The following PKN2 variants were observed in gnomAD, a reference collection of about 807,000 sequenced individuals.
The protein encoded by PKN2 is protein kinase N2.
PKN2 carries 38 observed loss-of-function variants against 119.1 expected under a neutral mutation model. That is an observed-to-expected ratio of 0.32 (90% CI 0.25 to 0.42). The LOEUF is 0.42. Among genes scored for constraint, PKN2 ranks in the 10% least tolerant of loss-of-function variants. The pLI is 1.00. For missense variants in PKN2, 850 were observed against 1,165.1 expected (o/e 0.73, Z 3.94); for synonymous variants, 390 against 384.9 (o/e 1.01, Z -0.15).
chr1:88,767,602 A>G (rs1016459218), intron 3 of PKN2, among the ~76,000 whole-genome samples: 1 of 152,174 alleles, frequency 6.6e-6, no homozygotes, highest in Non-Finnish European at 1.5e-5. Flanking sequence ...ATTGTAACAC[A>G]ATGGTAAGTA....
At chr1:88,704,340 TGA>T (rs2100671491) in intron 1 of PKN2, among the ~76,000 whole-genome samples, 1 of 152,308 alleles carries the variant, frequency 6.6e-6, no homozygotes, top group East Asian at 1.9e-4. Context: ...TTTTTGTTGT[TGA>T]GTAGTATTTC....
chr1:88,797,238 G>A (rs1258627955), intron 8 of PKN2, among the ~76,000 whole-genome samples: 1 of 151,982 alleles, frequency 6.6e-6, no homozygotes, highest in Non-Finnish European at 1.5e-5. Context: ...GGAGGCTGAG[G>A]CAGGAGAATC....
chr1:88,793,639 G>A (rs1670937375), intron 8 of PKN2, among the ~76,000 whole-genome samples: 1 of 151,956 alleles, frequency 6.6e-6, no homozygotes, highest in South Asian at 2.1e-4. Flanking sequence ...GGTATCCATG[G>A]GGAACGATTT....
chr1:88,773,277 G>T (rs1669965981), intron 6 of PKN2, among the ~76,000 whole-genome samples: 1 of 150,532 alleles, frequency 6.6e-6, no homozygotes, highest in Admixed American at 6.6e-5. Context: ...TCTCATTGCA[G>T]CCTCCCACTC....
intron 19 of PKN2, among the ~76,000 whole-genome samples, chr1:88,832,475 C>G (rs926801054): frequency 1.3e-5 from 2 of 151,796 alleles, no homozygotes; most frequent in African/African-American, 4.8e-5. Flanking sequence ...ATGAGATAGA[C>G]AAGTTTTTTA....
At chr1:88,692,204 A>G (rs576204086) in intron 1 of PKN2, among the ~76,000 whole-genome samples, 1 of 152,244 alleles carries the variant, frequency 6.6e-6, no homozygotes, top group African/African-American at 2.4e-5. Flanking sequence ...ATAATATTTC[A>G]TTGAGTAAAA....
In PKN2 at chr1:88,684,292, G is replaced by A; in HGVS notation, c.-289G>A. The A allele has an allele frequency of 2.9e-6, 1 of 340,506 alleles. No homozygotes were observed. The highest frequency in any genetic ancestry group is 5.4e-6 in the Non-Finnish European group (1 of 186,806). 21.1% of individuals were successfully genotyped at this position (340,506 alleles called of 1,614,324 possible). A position where few individuals can be genotyped will look rare whatever the true frequency, so the allele number is the denominator to read the frequency against. On this transcript the variant is annotated 5_prime_UTR_variant, in exon 1 of 22. Transcript: ENST00000370521. ...GCAGCCGCGGCCGCAGCGCCCGCAC[G>A]GAGAGGCTTGAGGCGGCTCCTGGCG...
intron 3 of PKN2, among the ~76,000 whole-genome samples, chr1:88,762,208 A>T (rs1188596020): frequency 6.6e-6 from 1 of 152,256 alleles, no homozygotes; most frequent in East Asian, 1.9e-4. Context: ...AGTTATGGAC[A>T]TATTAAAAGT....
intron 4 of PKN2, 74 bp downstream of exon 4, chr1:88,770,543 G>GC: frequency 1.3e-6 from 1 of 787,746 alleles, no homozygotes; most frequent in Non-Finnish European, 2.2e-6. Flanking sequence ...CAGGGCAGTG[G>GC]TTCAAAGTTA....
chr1:88,693,529 G>A (rs904522475), intron 1 of PKN2, among the ~76,000 whole-genome samples: 9 of 152,072 alleles, frequency 5.9e-5, no homozygotes, highest in Admixed American at 5.9e-4. Flanking sequence ...TCTCATCAGT[G>A]TTCTAAGGAA....
chr1:88,778,755 C>T (rs1670208081), intron 6 of PKN2, among the ~76,000 whole-genome samples: 1 of 151,992 alleles, frequency 6.6e-6, no homozygotes, highest in South Asian at 2.1e-4. Flanking sequence ...GCTCTGTTGC[C>T]CAGGCTGGAG....
At chr1:88,824,008 CAAAAAAAAA>C (rs3061489) in intron 17 of PKN2, among the ~76,000 whole-genome samples, 1 of 117,040 alleles carries the variant, frequency 8.5e-6, no homozygotes, top group Non-Finnish European at 1.8e-5. Context: ...GACTCTGTCT[CAAAAAAAAA>C]AAAAAAAAGG....
chr1:88,713,218 A>G (rs1423729544), intron 1 of PKN2, among the ~76,000 whole-genome samples: 1 of 152,190 alleles, frequency 6.6e-6, no homozygotes, highest in African/African-American at 2.4e-5. Flanking sequence ...TATTGTGAAT[A>G]GTGCTGCAAT....
chr1:88,825,225 A>G (rs1672452618), intron 18 of PKN2, among the ~76,000 whole-genome samples: 1 of 152,116 alleles, frequency 6.6e-6, no homozygotes, highest in African/African-American at 2.4e-5. Context: ...TTTTTTCTTG[A>G]CTGGGCTTCT....
chr1:88,778,046 T>A (rs1401032978), intron 6 of PKN2, among the ~76,000 whole-genome samples: 1 of 152,198 alleles, frequency 6.6e-6, no homozygotes, highest in East Asian at 1.9e-4. Context: ...AGAAGATCTC[T>A]GAATCCACCC....
chr1:88,776,291 A>G (rs939577948), intron 6 of PKN2, among the ~76,000 whole-genome samples: 3 of 141,152 alleles, frequency 2.1e-5, no homozygotes, highest in Non-Finnish European at 3.0e-5. Context: ...ATTTCAATCT[A>G]AAAGGCTTCT....
intron 8 of PKN2, among the ~76,000 whole-genome samples, chr1:88,789,072 T>C (rs1478977643): frequency 6.6e-6 from 1 of 152,106 alleles, no homozygotes; most frequent in African/African-American, 2.4e-5. Context: ...TTTAGCAGAT[T>C]TCAGTGTTGT....
At position 88,740,975 on chromosome 1, in the gene PKN2, A is replaced by AT. The variant is rs1668555990; in HGVS notation, c.49-7dup. On this transcript the variant is annotated splice_polypyrimidine_tract_variant and intron_variant, in intron 1 of 21. Transcript: ENST00000370521. ...CCTAAACTCCCACATTTGTATGTTT[A>AT]TTTTTTCTGTAGGGGGATTCCCGAA... The AT allele has an allele frequency of 6.5e-7, 1 of 1,534,912 alleles. No homozygotes were observed. The highest frequency in any genetic ancestry group is 2.3e-5 in the East Asian group (1 of 44,106).
intron 1 of PKN2, among the ~76,000 whole-genome samples, chr1:88,732,670 T>A (rs1343231821): frequency 6.6e-6 from 1 of 152,172 alleles, no homozygotes. Flanking sequence ...ATAACAAAAA[T>A]TTCTAATTAT....
Sources: allele counts gnomAD v4.1 joint callset (sites outside exome capture counted in the v4.1 genomes callset), GRCh38; gene constraint gnomAD v4.1.1; transcripts MANE v1.5; gene names NCBI Gene and HGNC (gene_info 2026-07-23, HGNC 2026-07-21).